Variants in THRB observed in about 807,000 individuals in gnomAD.
THRB encodes thyroid hormone receptor beta, also known as nuclear receptor subfamily 1 group A member 2.
THRB carries 12 observed loss-of-function variants against 47.8 expected under a neutral mutation model. That is an observed-to-expected ratio of 0.25 (90% CI 0.16 to 0.41). The LOEUF (loss-of-function observed/expected upper bound fraction) is 0.41. Ranked by LOEUF, THRB falls within the 10% of genes least tolerant of loss-of-function variation. The probability of loss-of-function intolerance (pLI) is 1.00; values close to 1 mark genes in which losing one functional copy is unlikely to be tolerated. For missense variants in THRB, 348 were observed against 589.2 expected (o/e 0.59, Z 4.24); for synonymous variants, 218 against 212.2 (o/e 1.03, Z -0.24).
intron 4 of THRB, among the ~76,000 whole-genome samples, chr3:24,228,247 G>GCA (rs2047874630): frequency 6.6e-6 from 1 of 152,082 alleles, no homozygotes; most frequent in Admixed American, 6.5e-5. Flanking sequence ...TCTATAAATT[G>GCA]CACAAAGAAT....
intron 3 of THRB, among the ~76,000 whole-genome samples, chr3:24,233,725 T>C (rs542767930): frequency 3.3e-5 from 5 of 152,204 alleles, no homozygotes; most frequent in African/African-American, 4.8e-5. Flanking sequence ...TAAGGAAACA[T>C]TGAAGGAAAC....
chr3:24,173,733 A>T (rs1487541653), intron 5 of THRB, among the ~76,000 whole-genome samples: 1 of 152,202 alleles, frequency 6.6e-6, no homozygotes, highest in African/African-American at 2.4e-5. Context: ...ACAATTGGCC[A>T]TAACTTTGGT....
intron 3 of THRB, among the ~76,000 whole-genome samples, chr3:24,295,645 T>C (rs1302537034): frequency 6.6e-6 from 1 of 152,246 alleles, no homozygotes. Context: ...TTGAATTCAA[T>C]TGAAACTTGT....
intron 4 of THRB, among the ~76,000 whole-genome samples, chr3:24,223,497 T>C (rs1362622588): frequency 2.0e-5 from 3 of 152,160 alleles, no homozygotes; most frequent in Non-Finnish European, 4.4e-5. Flanking sequence ...CCAAAAATGC[T>C]ATGGAACCAT....
chr3:24,130,173 G>A lies in THRB; in HGVS notation c.886-2416C>T, dbSNP rs371817363. ...GTGCTCCCACCATCCCGCCACCATT[G>A]TCTTTTGTAATTGGCAGACCACACG... On this transcript the variant is annotated intron_variant, in intron 9 of 10. Transcript: ENST00000646209. 1.6e-4 allele frequency among the ~76,000 whole-genome samples: 25 copies of A among 152,324 alleles called. No individual in the cohort carries two copies. In the South Asian group the frequency reaches 5.0e-3, roughly 30 times the overall value.
intron 3 of THRB, among the ~76,000 whole-genome samples, chr3:24,256,780 T>C (rs2051332095): frequency 6.6e-6 from 1 of 152,072 alleles, no homozygotes; most frequent in Non-Finnish European, 1.5e-5. Flanking sequence ...TGAGGTTATT[T>C]GATGAGAGCA....
intron 3 of THRB, among the ~76,000 whole-genome samples, chr3:24,246,730 G>C (rs987442845): frequency 1.3e-5 from 2 of 152,060 alleles, no homozygotes; most frequent in African/African-American, 4.8e-5. Flanking sequence ...ATATAGTTTT[G>C]ATCCCAAAAT....
intron 3 of THRB, among the ~76,000 whole-genome samples, chr3:24,250,273 T>C (rs1028482987): frequency 1.3e-5 from 2 of 152,214 alleles, no homozygotes; most frequent in Non-Finnish European, 2.9e-5. Flanking sequence ...AACTTTGAGA[T>C]CTTCTCATAG....
At chr3:24,275,291 C>T (rs2150723309) in intron 3 of THRB, among the ~76,000 whole-genome samples, 1 of 152,282 alleles carries the variant, frequency 6.6e-6, no homozygotes, top group East Asian at 1.9e-4. Context: ...TTTCCCAAGG[C>T]ATTAATAACC....
chr3:24,403,819 T>C (rs1464520316), intron 1 of THRB, among the ~76,000 whole-genome samples: 2 of 152,006 alleles, frequency 1.3e-5, no homozygotes, highest in African/African-American at 2.4e-5. Flanking sequence ...GAAAAGCACT[T>C]GTGTGACTGA....
At position 24,221,183 on chromosome 3, in the gene THRB, T is replaced by C. The variant is rs1352496463; in HGVS notation, c.22+7755A>G. 2.0e-5 allele frequency among the ~76,000 whole-genome samples: 3 copies of C among 152,214 alleles called. No individual in the cohort carries two copies. The East Asian group carries it at 5.8e-4, about 29-fold the overall frequency. On this transcript the variant is annotated intron_variant, in intron 4 of 10. Transcript: ENST00000646209. ...AGATGGCAATGGTGGCAGGTGGTGG[T>C]GCCGTATAAAAATAACTCTTGGCTC...
At chr3:24,464,600 T>C (rs1335729998) in intron 1 of THRB, among the ~76,000 whole-genome samples, 2 of 152,216 alleles carry the variant, frequency 1.3e-5, no homozygotes, top group Admixed American at 1.3e-4. Flanking sequence ...CTGAAGAATT[T>C]AGTTCATTTA....
Position 24,393,273 on chromosome 3 carries a change from C to T in THRB, c.-260-55902G>A, listed in dbSNP as rs375175224. Among the ~76,000 whole-genome samples, 32 of 152,216 alleles carry T rather than the reference C, an allele frequency of 2.1e-4. No homozygotes were observed. The South Asian group carries it at 5.6e-3, about 27-fold the overall frequency. ...ATCATGGCAATGGAAGTCCTTAAGA[C>T]GACTGAATACCCACTATCACTCAAA... On this transcript the variant is annotated intron_variant, in intron 1 of 10. Coordinates refer to ENST00000646209, the MANE Select transcript of THRB (RefSeq NM_001354712.2).
intron 10 of THRB, among the ~76,000 whole-genome samples, chr3:24,127,076 T>C (rs909440943): frequency 2.6e-5 from 4 of 152,204 alleles, no homozygotes; most frequent in African/African-American, 9.6e-5. Flanking sequence ...TAACTAAAAC[T>C]TCAGTTGTAG....
intron 2 of THRB, among the ~76,000 whole-genome samples, chr3:24,336,944 G>A (rs538155019): frequency 1.3e-5 from 2 of 151,940 alleles, no homozygotes; most frequent in African/African-American, 2.4e-5. Flanking sequence ...GGATGGTCTC[G>A]ATCTCCTGAC....
chr3:24,264,782 A>G (rs2052466738), intron 3 of THRB, among the ~76,000 whole-genome samples: 2 of 128,598 alleles, frequency 1.6e-5, no homozygotes, highest in Non-Finnish European at 3.3e-5. Flanking sequence ...CCCCTAAAAC[A>G]GCAATCTTGT....
chr3:24,161,654 A>ACACACACACACACACG (rs1553624014), intron 5 of THRB, among the ~76,000 whole-genome samples: 2 of 151,384 alleles, frequency 1.3e-5, no homozygotes, highest in Non-Finnish European at 2.9e-5. Flanking sequence ...ACACACACAC[A>ACACACACACACACACG]GACAGAATTC....
At chr3:24,350,079 C>G (rs1372824901) in intron 1 of THRB, among the ~76,000 whole-genome samples, 5 of 152,010 alleles carry the variant, frequency 3.3e-5, no homozygotes, top group African/African-American at 4.8e-5. Context: ...GATATTCTCA[C>G]ACAAGAAGAT....
At chr3:24,195,420 T>C (rs749375741) in intron 4 of THRB, among the ~76,000 whole-genome samples, 60 of 152,236 alleles carry the variant, frequency 3.9e-4, no homozygotes, top group Non-Finnish European at 1.8e-4. Flanking sequence ...GTTTTATTTG[T>C]GCTTTGAAAG....
Sources: gnomAD v4.1 joint callset for allele counts (sites outside exome capture counted in the v4.1 genomes callset) on GRCh38, gnomAD v4.1.1 for gene constraint, MANE v1.5 for transcripts, NCBI Gene and HGNC (gene_info 2026-07-23, HGNC 2026-07-21) for gene names.